RIN2: variants seen among roughly 807,000 people sequenced by gnomAD.
RIN2 encodes RAB5 interacting protein 2.
Under a neutral mutation model 78.0 loss-of-function variants are expected in RIN2, and 36 were observed. The observed-to-expected ratio is 0.46, with a 90% CI of 0.35 to 0.61. RIN2 has a LOEUF of 0.61. Ranked by LOEUF, RIN2 falls within the 20% of genes least tolerant of loss-of-function variation. The probability of loss-of-function intolerance (pLI) is 0.00; values close to 1 mark genes in which losing one functional copy is unlikely to be tolerated. For synonymous variants in RIN2, 466 were observed against 466.8 expected (o/e 1.00, Z 0.02); for missense variants, 1,087 against 1,159.7 (o/e 0.94, Z 0.91).
intron 11 of RIN2, among the ~76,000 whole-genome samples, chr20:19,993,274 G>A (rs200344885): frequency 6.8e-6 from 1 of 146,862 alleles, no homozygotes; most frequent in Non-Finnish European, 1.5e-5. Flanking sequence ...TCACGGTTTC[G>A]TTTTTTTTTT....
At chr20:19,938,385 ATT>A (rs551225883) in intron 4 of RIN2, among the ~76,000 whole-genome samples, 1,699 of 148,116 alleles carry the variant, frequency 0.011, 28 homozygotes, top group African/African-American at 0.04. Flanking sequence ...CACCCAGCTA[ATT>A]TTTTTTTTTA....
At chr20:19,970,262 G>A (rs1035337065) in intron 7 of RIN2, among the ~76,000 whole-genome samples, 19 of 152,232 alleles carry the variant, frequency 1.2e-4, no homozygotes, top group Non-Finnish European at 2.6e-4. Flanking sequence ...AAGACCCTGG[G>A]TATCTATCTG....
At chr20:19,997,063 T>G (rs1305849436) in intron 12 of RIN2, among the ~76,000 whole-genome samples, 2 of 152,124 alleles carry the variant, frequency 1.3e-5, no homozygotes, top group East Asian at 3.9e-4. Flanking sequence ...GAAAACCAAG[T>G]TGAATTAAGG....
chr20:19,788,999 T>G (rs915055025), intron 1 of RIN2, among the ~76,000 whole-genome samples: 7 of 152,232 alleles, frequency 4.6e-5, no homozygotes, highest in Non-Finnish European at 1.0e-4. Flanking sequence ...GCTCTTACAT[T>G]ACCAATTATT....
chr20:19,995,277 AAC>A (rs1272716488), intron 11 of RIN2, among the ~76,000 whole-genome samples: 10 of 151,586 alleles, frequency 6.6e-5, no homozygotes, highest in African/African-American at 2.2e-4. Context: ...AAAAAAAAAA[AAC>A]AAAACACATT....
At chr20:19,860,345 G>A (rs190765081) in intron 2 of RIN2, among the ~76,000 whole-genome samples, 2 of 117,942 alleles carry the variant, frequency 1.7e-5, no homozygotes, top group African/African-American at 3.7e-5. Context: ...TTTCTGAGAC[G>A]GAGTCTCACT....
intron 10 of RIN2, 105 bp downstream of exon 10, chr20:19,990,416 C>G (rs2042763156): frequency 9.0e-7 from 1 of 1,108,900 alleles, no homozygotes. Flanking sequence ...TCCCTTTGGT[C>G]TCTTGATTTC....
chr20:19,870,450 C>T (rs1025771225), intron 2 of RIN2, among the ~76,000 whole-genome samples: 5 of 152,086 alleles, frequency 3.3e-5, no homozygotes, highest in African/African-American at 1.2e-4. Flanking sequence ...AGTTCAAAAC[C>T]AGCCTGGCCA....
At chr20:19,985,812 G>C (rs1023090270) in intron 9 of RIN2, among the ~76,000 whole-genome samples, 4 of 152,218 alleles carry the variant, frequency 2.6e-5, no homozygotes, top group African/African-American at 9.6e-5. Flanking sequence ...CGTGCTTGTG[G>C]ATGAATACAG....
chr20:19,915,120 C>T (rs925375282), intron 3 of RIN2, among the ~76,000 whole-genome samples: 2 of 152,164 alleles, frequency 1.3e-5, no homozygotes, highest in African/African-American at 4.8e-5. Flanking sequence ...AAAAGAAAAA[C>T]ATTGTTTGGG....
At chr20:19,980,501 G>A (rs561509736) in intron 9 of RIN2, among the ~76,000 whole-genome samples, 142 of 152,232 alleles carry the variant, frequency 9.3e-4, no homozygotes, top group Non-Finnish European at 1.4e-3. Context: ...GGTGGGTGGC[G>A]GATGGCATCA....
chr20:19,948,729 G>A (rs867295411), intron 4 of RIN2, among the ~76,000 whole-genome samples: 6 of 151,998 alleles, frequency 3.9e-5, no homozygotes, highest in Non-Finnish European at 5.9e-5. Flanking sequence ...CCAGTTTCTC[G>A]GGAACACTCC....
chr20:19,940,627 C>G (rs1273956584), intron 4 of RIN2, among the ~76,000 whole-genome samples: 1 of 152,226 alleles, frequency 6.6e-6, no homozygotes, highest in Non-Finnish European at 1.5e-5. Context: ...TCTGCTCTCT[C>G]CCAGTGTGGT....
chr20:19,955,565 G>A (rs1352518576), intron 4 of RIN2, among the ~76,000 whole-genome samples: 1 of 152,120 alleles, frequency 6.6e-6, no homozygotes, highest in African/African-American at 2.4e-5. Context: ...TCAAACTCCT[G>A]GGTTCAAGTG....
chr20:19,909,094 C>T (rs1255312942), intron 3 of RIN2, among the ~76,000 whole-genome samples: 9 of 152,254 alleles, frequency 5.9e-5, no homozygotes, highest in Middle Eastern at 3.4e-3. Context: ...AAACTCCTGA[C>T]GTCAGGTGAT....
intron 2 of RIN2, among the ~76,000 whole-genome samples, chr20:19,850,581 C>T (rs989887647): frequency 1.6e-4 from 24 of 152,208 alleles, no homozygotes; most frequent in African/African-American, 5.8e-4. Context: ...AACTGGAATG[C>T]CACCTACACT....
At chr20:19,761,585 C>A (rs1865704744) in intron 1 of RIN2, among the ~76,000 whole-genome samples, 1 of 152,146 alleles carries the variant, frequency 6.6e-6, no homozygotes, top group Non-Finnish European at 1.5e-5. Flanking sequence ...TTAGTTCTCC[C>A]AAAATCTTAT....
intron 8 of RIN2, 68 bp from the exon 9 acceptor site, chr20:19,974,586 T>C: frequency 6.6e-7 from 1 of 1,506,074 alleles, no homozygotes; most frequent in Non-Finnish European, 9.0e-7. Flanking sequence ...GTGCTTTTTT[T>C]AATTTGTGAA....
intron 3 of RIN2, among the ~76,000 whole-genome samples, chr20:19,925,031 G>T (rs556401074): frequency 6.7e-6 from 1 of 149,414 alleles, no homozygotes; most frequent in African/African-American, 2.5e-5. Context: ...GAGCCACTGC[G>T]CCCGGCCTCC....
Sources: allele counts gnomAD v4.1 joint callset (sites outside exome capture counted in the v4.1 genomes callset), GRCh38; gene constraint gnomAD v4.1.1; transcripts MANE v1.5; gene names NCBI Gene and HGNC (gene_info 2026-07-23, HGNC 2026-07-21).